Variants in PPP2R2C observed in about 807,000 individuals in gnomAD.
PPP2R2C encodes protein phosphatase 2 regulatory subunit Bgamma, also known as protein phosphatase 2, regulatory subunit B, gamma.
In PPP2R2C, 10 loss-of-function variants were observed where a neutral mutation model predicts 45.3. The ratio of observed to expected loss-of-function variants is 0.22; its 90% CI spans 0.14 to 0.37. PPP2R2C has a LOEUF of 0.37. Among genes scored for constraint, PPP2R2C ranks in the 10% least tolerant of loss-of-function variants. The pLI is 1.00. For synonymous variants in PPP2R2C, 257 were observed against 245.4 expected (o/e 1.05, Z -0.44); for missense variants, 308 against 619.7 (o/e 0.50, Z 5.34).
intron 1 of PPP2R2C, among the ~76,000 whole-genome samples, chr4:6,450,680 T>C (rs1261904261): frequency 1.3e-5 from 2 of 152,160 alleles, no homozygotes; most frequent in Admixed American, 6.5e-5. Context: ...GAGCGAGGGA[T>C]AGATTTGGTG....
chr4:6,461,006 C>A (rs1721291606), intron 1 of PPP2R2C, among the ~76,000 whole-genome samples: 1 of 152,180 alleles, frequency 6.6e-6, no homozygotes, highest in Non-Finnish European at 1.5e-5. Flanking sequence ...AGACCCCTCT[C>A]TACACAGGAT....
intron 2 of PPP2R2C, among the ~76,000 whole-genome samples, chr4:6,522,365 T>G (rs1049218415): frequency 1.1e-4 from 17 of 152,210 alleles, no homozygotes; most frequent in Non-Finnish European, 7.3e-5. Flanking sequence ...ATCCTCACTG[T>G]AGAGGTGGGA....
chr4:6,479,018 C>T (rs1244031852), intron 2 of PPP2R2C, among the ~76,000 whole-genome samples: 1 of 152,208 alleles, frequency 6.6e-6, no homozygotes, highest in Non-Finnish European at 1.5e-5. Flanking sequence ...CACGTGACCT[C>T]AGCGGAGCGT....
At chr4:6,451,037 T>A (rs905211695) in intron 1 of PPP2R2C, among the ~76,000 whole-genome samples, 7 of 152,158 alleles carry the variant, frequency 4.6e-5, no homozygotes, top group Admixed American at 2.0e-4. Context: ...TAAATTCACT[T>A]CTTCCAGGAA....
chr4:6,336,315 T>C (rs376790570), intron 6 of PPP2R2C, among the ~76,000 whole-genome samples: 2 of 151,750 alleles, frequency 1.3e-5, no homozygotes, highest in East Asian at 1.9e-4. Context: ...CAAGGGCACA[T>C]TGAAGGGAGG....
At chr4:6,384,867 C>T in intron 1 of PPP2R2C, 1 of 985,162 alleles carries the variant, frequency 1.0e-6, no homozygotes, top group Admixed American at 6.1e-5. Context: ...GACAGAAGTG[C>T]TGGTTGGAGT....
At chr4:6,441,943 G>A (rs1023952674) in intron 1 of PPP2R2C, among the ~76,000 whole-genome samples, 12 of 152,170 alleles carry the variant, frequency 7.9e-5, no homozygotes, top group East Asian at 1.9e-4. Flanking sequence ...TTCCTTCTCC[G>A]CCCTACTCCT....
At chr4:6,554,235 T>C (rs915824551) in intron 1 of PPP2R2C, among the ~76,000 whole-genome samples, 2 of 152,034 alleles carry the variant, frequency 1.3e-5, no homozygotes, top group African/African-American at 2.4e-5. Context: ...GGTGCCCTCA[T>C]CAAAGAGGAA....
rs1488121026 is a variant in PPP2R2C at position 6,471,050 on chromosome 4, G to C, written c.70+1110C>G. Among the ~76,000 whole-genome samples the C allele has an allele frequency of 6.6e-6, 1 of 152,140 alleles. No individual in the cohort carries two copies. The highest frequency in any genetic ancestry group is 1.9e-4 in the East Asian group (1 of 5,164). ...GGCAGAGCCAGGCTTCGAGGAGGCGGACCCAGCCGCAGGAGCCCGGTCTCC... is the reference window on the plus strand; with the variant it reads ...GGCAGAGCCAGGCTTCGAGGAGGCGCACCCAGCCGCAGGAGCCCGGTCTCC... On this transcript the variant is annotated intron_variant, in intron 1 of 8. Coordinates refer to ENST00000382599, the MANE Select transcript of PPP2R2C (RefSeq NM_020416.4). This position sits in a 1 kb window ranked among gnomAD's most constrained non-coding sequence, Gnocchi z 5.6.
At chr4:6,358,103 A>T (rs1713381184) in intron 5 of PPP2R2C, among the ~76,000 whole-genome samples, 1 of 152,212 alleles carries the variant, frequency 6.6e-6, no homozygotes, top group Non-Finnish European at 1.5e-5. Flanking sequence ...AAGCTACAGT[A>T]ACCAAAACAG....
At chr4:6,527,218 G>A (rs892048265) in intron 2 of PPP2R2C, among the ~76,000 whole-genome samples, 6 of 152,146 alleles carry the variant, frequency 3.9e-5, no homozygotes, top group Admixed American at 2.0e-4. Flanking sequence ...CTACCAACTC[G>A]CTGAGCGACC....
intron 2 of PPP2R2C, among the ~76,000 whole-genome samples, chr4:6,522,711 C>T (rs1724065479): frequency 6.6e-6 from 1 of 152,270 alleles, no homozygotes; most frequent in South Asian, 2.1e-4. Context: ...TCTGATACCA[C>T]AGGATGCTGA....
At chr4:6,487,710 T>G (rs1722571970) in intron 2 of PPP2R2C, among the ~76,000 whole-genome samples, 1 of 152,178 alleles carries the variant, frequency 6.6e-6, no homozygotes, top group Non-Finnish European at 1.5e-5. Context: ...ATTTTTATTG[T>G]GCTTGTGGGG....
At chr4:6,325,103 G>A (rs927538604) in intron 8 of PPP2R2C, among the ~76,000 whole-genome samples, 1 of 152,174 alleles carries the variant, frequency 6.6e-6, no homozygotes, top group Non-Finnish European at 1.5e-5. Flanking sequence ...CTGCAGTCAG[G>A]GGCTTGGGCT....
chr4:6,548,455 G>C (rs561836888), intron 1 of PPP2R2C, among the ~76,000 whole-genome samples: 2 of 152,216 alleles, frequency 1.3e-5, no homozygotes, highest in Non-Finnish European at 2.9e-5. Flanking sequence ...TGGAACCCTT[G>C]TGCGTGACAT....
intron 1 of PPP2R2C, among the ~76,000 whole-genome samples, chr4:6,421,467 A>G (rs1718958711): frequency 6.6e-6 from 1 of 152,116 alleles, no homozygotes; most frequent in African/African-American, 2.4e-5. Context: ...TAAGTGTTTG[A>G]TAAGTGTTTG....
At chr4:6,480,374 A>G (rs558332399) in intron 2 of PPP2R2C, among the ~76,000 whole-genome samples, 3 of 152,294 alleles carry the variant, frequency 2.0e-5, no homozygotes, top group Non-Finnish European at 2.9e-5. Context: ...AGAGCTGATC[A>G]TGCATATCTT....
intron 1 of PPP2R2C, among the ~76,000 whole-genome samples, chr4:6,418,021 A>G (rs1718713404): frequency 6.6e-6 from 1 of 152,060 alleles, no homozygotes; most frequent in Non-Finnish European, 1.5e-5. Context: ...GGGGGTGGGG[A>G]GAACTGGGTT....
At position 6,350,937 on chromosome 4, in the gene PPP2R2C, G is replaced by A; in HGVS notation, c.626-2927C>T. ...GTTGTTTGCTACCACTGCAAAACGT[G>A]AGCCCCCTGACAGGTTCAGTGTCCA... On this transcript the variant is annotated intron_variant, in intron 5 of 8. Transcript: ENST00000382599. 2 of 985,362 alleles carry A rather than the reference G, an allele frequency of 2.0e-6. 1 individual carries two copies. Among genetic ancestry groups the A allele is most frequent in the South Asian group, 9.4e-5 (2 of 21,284 alleles). The allele number at this position is 985,362 out of a possible 1,614,324, so 61.0% of individuals were successfully genotyped here.
Sources: allele counts gnomAD v4.1 joint callset (sites outside exome capture counted in the v4.1 genomes callset), GRCh38; gene constraint gnomAD v4.1.1; non-coding constraint Gnocchi (gnomAD v3.1); transcripts MANE v1.5; gene names NCBI Gene and HGNC (gene_info 2026-07-23, HGNC 2026-07-21).